The following ADCY9 variants were observed in gnomAD, a reference collection of about 807,000 sequenced individuals.
ADCY9 encodes the protein adenylate cyclase 9, also known as adenylate cyclase type 9.
A neutral mutation model predicts 101.5 loss-of-function variants in ADCY9; 50 were observed. The observed-to-expected ratio is 0.49, with a 90% CI of 0.39 to 0.62. ADCY9 has a LOEUF of 0.62. Ranked by LOEUF, ADCY9 falls within the 20% of genes least tolerant of loss-of-function variation. The pLI is 0.00. For synonymous variants in ADCY9, 905 were observed against 769.3 expected (o/e 1.18, Z -2.92); for missense variants, 1,662 against 1,800.4 (o/e 0.92, Z 1.39).
chr16:3,998,467 T>C (rs976885540), intron 3 of ADCY9, among the ~76,000 whole-genome samples: 3 of 151,326 alleles, frequency 2.0e-5, no homozygotes, highest in African/African-American at 7.3e-5. Context: ...TCCCAGCACT[T>C]TGGGAGGCCA....
At chr16:3,953,552 G>A (rs1004248075) in intron 5 of ADCY9, 2 of 152,206 alleles carry the variant, frequency 1.3e-5, no homozygotes, top group African/African-American at 4.8e-5. Context: ...CGGATAAGAA[G>A]AGGGTTAGAG....
In ADCY9 at chr16:3,992,294, T is replaced by G. The variant is rs759286668; in HGVS notation, c.2059A>C (p.Asn687His). The change falls in exon 5 of 11, where the codon AAC (asparagine) becomes CAC (histidine). Residue 687 changes from asparagine to histidine, a missense_variant. Around this residue, in one of 5 missense-constraint regions of ADCY9, gnomAD observed 624 missense variants for 639.1 expected, o/e 0.98. Coordinates refer to ENST00000294016, the MANE Select transcript of ADCY9 (RefSeq NM_001116.4). This position sits in a 1 kb window ranked among gnomAD's most constrained non-coding sequence, Gnocchi z 4.2. ...LSPPQEEKLT[N>H]SQTSLCEILQ... is the part of the protein sequence containing the mutation. ...ATCTCACACAGAGAAGTCTGACTGT[T>G]GGTGAGCTTCTCCTCTTGGGGAGGG... The G allele has an allele frequency of 1.3e-5, 21 of 1,614,048 alleles. No homozygotes were observed. The East Asian group carries it at 4.7e-4, about 36-fold the overall frequency.
At chr16:4,060,550 G>A (rs1339221135) in intron 2 of ADCY9, among the ~76,000 whole-genome samples, 1 of 152,080 alleles carries the variant, frequency 6.6e-6, no homozygotes, top group African/African-American at 2.4e-5. Flanking sequence ...GCACACCTCT[G>A]AATAATCATT....
intron 3 of ADCY9, among the ~76,000 whole-genome samples, chr16:3,998,422 A>G (rs1168796737): frequency 6.6e-6 from 1 of 151,738 alleles, no homozygotes; most frequent in Admixed American, 6.6e-5. Flanking sequence ...TTAAAAAAGA[A>G]AAAAGAAGCC....
At chr16:4,055,689 C>T (rs2141154697) in intron 2 of ADCY9, among the ~76,000 whole-genome samples, 1 of 152,122 alleles carries the variant, frequency 6.6e-6, no homozygotes, top group South Asian at 2.1e-4. Context: ...AAAAAATTAG[C>T]CAGGCGTGGC....
chr16:3,996,109 C>T (rs1464987083), intron 3 of ADCY9, among the ~76,000 whole-genome samples: 1 of 152,086 alleles, frequency 6.6e-6, no homozygotes, highest in Non-Finnish European at 1.5e-5. Context: ...ACCTGTAATC[C>T]CAGAACTTTG....
In ADCY9 at chr16:3,993,392, C is replaced by T; in HGVS notation, c.1989+14G>A. 1 of 1,613,224 alleles carries T rather than the reference C, an allele frequency of 6.2e-7. No individual in the cohort carries two copies. Among genetic ancestry groups the T allele is most frequent in the Non-Finnish European group, 8.5e-7 (1 of 1,179,144 alleles). ...GAGAGGAACTGACAGGAACAACAGCCATGAGCTTGTTACCTTGGTGCTGTT... is the reference window on the plus strand; with the variant it reads ...GAGAGGAACTGACAGGAACAACAGCTATGAGCTTGTTACCTTGGTGCTGTT... On this transcript the variant is annotated intron_variant, in intron 4 of 10. Coordinates refer to ENST00000294016, the MANE Select transcript of ADCY9 (RefSeq NM_001116.4).
intron 2 of ADCY9, among the ~76,000 whole-genome samples, chr16:4,101,649 T>C (rs565000851): frequency 1.3e-5 from 2 of 152,254 alleles, no homozygotes; most frequent in East Asian, 3.9e-4. Context: ...GGGCCACCCC[T>C]CTATCTCCAG....
intron 7 of ADCY9, among the ~76,000 whole-genome samples, chr16:3,979,934 C>G (rs945976443): frequency 6.6e-6 from 1 of 151,600 alleles, no homozygotes; most frequent in Non-Finnish European, 1.5e-5. Flanking sequence ...TTTCTTGGAG[C>G]GCAGCTCCTG....
At chr16:3,957,944 G>A (rs2055916220), downstream of ADCY9, among the ~76,000 whole-genome samples, 1 of 152,080 alleles carries the variant, frequency 6.6e-6, no homozygotes, top group Non-Finnish European at 1.5e-5. Context: ...TAGAGGGCAC[G>A]GATTTTGTTT....
rs992952502 is a variant in ADCY9 at position 3,973,783 on chromosome 16, G to A, written c.2870+886C>T. Among the ~76,000 whole-genome samples the A allele has an allele frequency of 2.3e-4, 35 of 152,118 alleles. No individual in the cohort carries two copies. The East Asian group carries it at 5.0e-3, about 22-fold the overall frequency. On this transcript the variant is annotated intron_variant, in intron 10 of 10. Coordinates refer to ENST00000294016, the MANE Select transcript of ADCY9 (RefSeq NM_001116.4). Reference sequence around the variant, plus strand: ...GCTGGGATTACAGGCGGGAGTCACCGAGCCCGGTCCTTTTCTGTGTGCTTT... The same window carrying A: ...GCTGGGATTACAGGCGGGAGTCACCAAGCCCGGTCCTTTTCTGTGTGCTTT...
Position 3,969,569 on chromosome 16 carries a change from AATATATATATATATATATATATAT to A in ADCY9, c.2871-2627_2871-2604del, listed in dbSNP as rs57260468. Among the ~76,000 whole-genome samples the A allele has an allele frequency of 9.5e-3, 429 of 45,242 alleles. 11 individuals are homozygous for A. Among genetic ancestry groups the A allele is most frequent in the Non-Finnish European group, 0.015 (331 of 22,776 alleles). 29.7% of individuals were successfully genotyped at this position (45,242 alleles called of 152,430 possible). On this transcript the variant is annotated intron_variant, in intron 10 of 10. Coordinates refer to ENST00000294016, the MANE Select transcript of ADCY9 (RefSeq NM_001116.4). ...GCACAATTTCTTAAAGTTTGTTTGA[AATATATATATATATATATATATAT>A]ATATATATATATATATGTATTTTTT...
intron 5 of ADCY9, among the ~76,000 whole-genome samples, chr16:3,954,579 G>C (rs970330267): frequency 1.3e-5 from 2 of 152,162 alleles, no homozygotes; most frequent in Non-Finnish European, 2.9e-5. Flanking sequence ...AGTGAGTAGG[G>C]TCCAGACCAG....
At chr16:3,982,515 G>C (rs1431306024) in intron 7 of ADCY9, 1 of 152,238 alleles carries the variant, frequency 6.6e-6, no homozygotes, top group African/African-American at 2.4e-5. Context: ...GAGCCGCTGC[G>C]AGCCCCCTCA....
chr16:3,974,245 C>T (rs2056075728), intron 10 of ADCY9, among the ~76,000 whole-genome samples: 1 of 151,702 alleles, frequency 6.6e-6, no homozygotes, highest in Non-Finnish European at 1.5e-5. Context: ...GGGGTTTCAC[C>T]GTGTTAGCCA....
chr16:3,960,748 G>C (rs1332354572), downstream of ADCY9, among the ~76,000 whole-genome samples: 1 of 152,124 alleles, frequency 6.6e-6, no homozygotes, highest in African/African-American at 2.4e-5. Context: ...TTCAGGGCCA[G>C]CAGGGATACG....
At chr16:4,050,754 T>C (rs999821360) in intron 2 of ADCY9, among the ~76,000 whole-genome samples, 5 of 149,760 alleles carry the variant, frequency 3.3e-5, no homozygotes, top group Non-Finnish European at 7.4e-5. Flanking sequence ...ACTACGCTGC[T>C]TGAGAAGTCC....
At chr16:4,059,147 A>T (rs2056758732) in intron 2 of ADCY9, among the ~76,000 whole-genome samples, 1 of 152,118 alleles carries the variant, frequency 6.6e-6, no homozygotes, top group South Asian at 2.1e-4. Context: ...GCACTCTGGG[A>T]GGCCGAGGTG....
intron 2 of ADCY9, among the ~76,000 whole-genome samples, chr16:4,017,715 T>C (rs1189107969): frequency 2.0e-5 from 3 of 147,618 alleles, no homozygotes; most frequent in Non-Finnish European, 3.0e-5. Context: ...TAAGGCCAAA[T>C]AACCTTGAAG....
Sources: allele counts gnomAD v4.1 joint callset (sites outside exome capture counted in the v4.1 genomes callset), GRCh38; gene constraint gnomAD v4.1.1; regional missense constraint gnomAD v4.1.1; non-coding constraint Gnocchi (gnomAD v3.1); transcripts MANE v1.5; gene names NCBI Gene and HGNC (gene_info 2026-07-23, HGNC 2026-07-21).